Variants in ZRANB1 observed in about 807,000 individuals in gnomAD.
The protein encoded by ZRANB1 is ubiquitin thioesterase ZRANB1.
Under a neutral mutation model 80.5 loss-of-function variants are expected in ZRANB1, and 16 were observed. The ratio of observed to expected loss-of-function variants is 0.20; its 90% CI spans 0.13 to 0.30. The LOEUF (loss-of-function observed/expected upper bound fraction) is 0.30, where lower values mean the gene tolerates loss of function less well. ZRANB1 is among the 10% of genes least tolerant of loss of function. ZRANB1 has a pLI of 1.00. For synonymous variants in ZRANB1, 291 were observed against 293.1 expected, an observed-to-expected ratio of 0.99 and a Z score of 0.07; for missense variants, 576 against 862.6, an observed-to-expected ratio of 0.67 and a Z score of 4.16.
At chr10:124,961,450 T>C (rs1287302221) in intron 1 of ZRANB1, among the ~76,000 whole-genome samples, 1 of 152,266 alleles carries the variant, frequency 6.6e-6, no homozygotes, top group East Asian at 1.9e-4. Flanking sequence ...GTCCCAAAGA[T>C]AACTTTGTGG....
At chr10:124,950,298 A>AT (rs1038374769) in intron 1 of ZRANB1, among the ~76,000 whole-genome samples, 17 of 151,634 alleles carry the variant, frequency 1.1e-4, no homozygotes, top group African/African-American at 3.9e-4. Flanking sequence ...CTAATTTTGC[A>AT]TTTTTTGTAG....
chr10:124,932,436 C>A, the ZRANB1 span, among the ~76,000 whole-genome samples: 7 of 152,034 alleles, frequency 4.6e-5, no homozygotes, highest in African/African-American at 1.7e-4. Flanking sequence ...ACTACAGGTA[C>A]CCGCCACCGC....
chr10:124,963,030 C>T (rs1250801653), intron 1 of ZRANB1, among the ~76,000 whole-genome samples: 1 of 152,074 alleles, frequency 6.6e-6, no homozygotes, highest in Admixed American at 6.5e-5. Context: ...CTTTGGGAGG[C>T]CGAGGTGGGT....
At chr10:124,961,203 A>G (rs766711841) in intron 1 of ZRANB1, among the ~76,000 whole-genome samples, 40 of 152,050 alleles carry the variant, frequency 2.6e-4, no homozygotes, top group Middle Eastern at 3.4e-3. Context: ...ACAGGGTTTC[A>G]CCATGTTGGC....
upstream of ZRANB1, among the ~76,000 whole-genome samples, chr10:124,941,483 G>T (rs545621393): frequency 9.2e-5 from 14 of 152,152 alleles, no homozygotes; most frequent in African/African-American, 3.4e-4. Flanking sequence ...CTCCTGAGTA[G>T]CTGGGATTAC....
At chr10:124,949,831 C>T (rs1004707633) in intron 1 of ZRANB1, among the ~76,000 whole-genome samples, 3 of 152,132 alleles carry the variant, frequency 2.0e-5, no homozygotes, top group Non-Finnish European at 4.4e-5. Flanking sequence ...CTCAGTTGCC[C>T]AATAGCAGTG....
At chr10:124,918,168 GT>G in the ZRANB1 span, among the ~76,000 whole-genome samples, 1 of 152,124 alleles carries the variant, frequency 6.6e-6, no homozygotes, top group Non-Finnish European at 1.5e-5. Flanking sequence ...CAAAAATACC[GT>G]TTTAGGAACA....
At chr10:124,967,429 T>C (rs1951785419) in intron 2 of ZRANB1, among the ~76,000 whole-genome samples, 1 of 151,976 alleles carries the variant, frequency 6.6e-6, no homozygotes, top group South Asian at 2.1e-4. Flanking sequence ...GAGATGGTGA[T>C]TGGGAATGGA....
chr10:124,972,371 A>G (rs1014095970), intron 3 of ZRANB1, among the ~76,000 whole-genome samples: 1 of 152,172 alleles, frequency 6.6e-6, no homozygotes, highest in Non-Finnish European at 1.5e-5. Context: ...ATTATTTTTT[A>G]AAAATCTGTT....
chr10:124,918,255 A>G, the ZRANB1 span, among the ~76,000 whole-genome samples: 2 of 152,196 alleles, frequency 1.3e-5, no homozygotes, highest in African/African-American at 4.8e-5. Context: ...CAGTGGCGCT[A>G]TCTCGGCTCA....
intron 5 of ZRANB1, among the ~76,000 whole-genome samples, chr10:124,975,453 TTCTGTTA>T (rs1951868362): frequency 6.6e-6 from 1 of 152,230 alleles, no homozygotes; most frequent in African/African-American, 2.4e-5. Flanking sequence ...TCAACATTGA[TTCTGTTA>T]TCTAACAGTT....
intron 1 of ZRANB1, among the ~76,000 whole-genome samples, chr10:124,965,378 G>A (rs1951768125): frequency 6.6e-6 from 1 of 152,158 alleles, no homozygotes; most frequent in Admixed American, 6.5e-5. Context: ...AGAAAGGACT[G>A]TTTTGAATAT....
In ZRANB1 at chr10:124,942,980, T is replaced by G; in HGVS notation, c.487T>G (p.Trp163Gly). ...TTGCTCTGTTTGCACATATGAAAAC[T>G]GGGCCAAGGCTAAAAGATGTGTTGT... The part of the protein sequence containing the change: ...WTCSVCTYEN[W>G]AKAKRCVVCD... Residue 163 changes from tryptophan to glycine, a missense_variant, in exon 1 of 9, where the codon TGG (tryptophan) becomes GGG (glycine). Trp to Gly is a radical substitution (Grantham distance 184). Transcript: ENST00000359653. The G allele has an allele frequency of 2.5e-6, 4 of 1,614,210 alleles. No individual in the cohort carries two copies. Among genetic ancestry groups the G allele is most frequent in the Non-Finnish European group, 3.4e-6 (4 of 1,180,034 alleles).
Position 124,986,265 on chromosome 10 carries a change from A to G in ZRANB1, c.*1273A>G, listed in dbSNP as rs1952031551. ...CTATTGATGTGGCCAGGAATTTGGA[A>G]AGACGACACACGCACGCGCGCGCGC... is the stretch of plus-strand genomic sequence containing the variant. On this transcript the variant is annotated 3_prime_UTR_variant, in exon 9 of 9. Coordinates refer to ENST00000359653, the MANE Select transcript of ZRANB1 (RefSeq NM_017580.3). The G allele has an allele frequency of 7.1e-6, 1 of 140,718 alleles. No homozygotes were observed. The highest frequency in any genetic ancestry group is 2.6e-5 in the African/African-American group (1 of 38,468). 8.7% of individuals were successfully genotyped at this position (140,718 alleles called of 1,614,324 possible).
chr10:124,940,513 A>G (rs1166198010), upstream of ZRANB1: 4 of 1,289,130 alleles, frequency 3.1e-6, no homozygotes, highest in Non-Finnish European at 4.0e-6. Context: ...AATCATGTGC[A>G]AGGTGGAGGT....
At position 124,983,080 on chromosome 10, in the gene ZRANB1, G is replaced by A. The variant is rs758450396; in HGVS notation, c.1549-95G>A. 24 of 1,289,862 alleles carry A rather than the reference G, an allele frequency of 1.9e-5. No homozygotes were observed. The highest frequency in any genetic ancestry group is 2.5e-5 in the Admixed American group (1 of 39,452). 79.9% of individuals were successfully genotyped at this position (1,289,862 alleles called of 1,614,324 possible). A position where few individuals can be genotyped will look rare whatever the true frequency, so the allele number is the denominator to read the frequency against. ...CTTTTCTTTCTTAAAAACCAACTGC[G>A]ATAGTATACTGAAGGGGAGGTAGTA... On this transcript the variant is annotated intron_variant, in intron 6 of 8. Coordinates refer to ENST00000359653, the MANE Select transcript of ZRANB1 (RefSeq NM_017580.3). The surrounding 1 kb of genome is among the most constrained non-coding windows in gnomAD (Gnocchi z 6.2).
In ZRANB1 at chr10:124,986,543, A is replaced by G. The variant is rs887371844; in HGVS notation, c.*1551A>G. 5.3e-5 allele frequency: 8 copies of G among 152,160 alleles called. No individual in the cohort carries two copies. Among genetic ancestry groups the G allele is most frequent in the African/African-American group, 1.9e-4 (8 of 41,440 alleles). 9.4% of individuals were successfully genotyped at this position (152,160 alleles called of 1,614,324 possible). A position where few individuals can be genotyped will look rare whatever the true frequency, so the allele number is the denominator to read the frequency against. Reference sequence around the variant, plus strand: ...GGATGAAAAGATCATTTTTTGCTGCATGCTAAATCTTGCAGGAAAAATGAT... The same window carrying G: ...GGATGAAAAGATCATTTTTTGCTGCGTGCTAAATCTTGCAGGAAAAATGAT... On this transcript the variant is annotated 3_prime_UTR_variant, in exon 9 of 9. Transcript: ENST00000359653.
chr10:124,947,137 G>A (rs1441461855), intron 1 of ZRANB1, among the ~76,000 whole-genome samples: 1 of 152,176 alleles, frequency 6.6e-6, no homozygotes, highest in Non-Finnish European at 1.5e-5. Flanking sequence ...TTTCACATAA[G>A]TCATATTATC....
the ZRANB1 span, among the ~76,000 whole-genome samples, chr10:124,933,523 T>C: frequency 6.6e-6 from 1 of 152,248 alleles, no homozygotes; most frequent in African/African-American, 2.4e-5. Flanking sequence ...GATTGCTGTG[T>C]ATTTTTGGAG....
Sources: allele counts gnomAD v4.1 joint callset (sites outside exome capture counted in the v4.1 genomes callset), GRCh38; gene constraint gnomAD v4.1.1; non-coding constraint Gnocchi (gnomAD v3.1); transcripts MANE v1.5; gene names NCBI Gene and HGNC (gene_info 2026-07-23, HGNC 2026-07-21).